MINAR1: variants seen among roughly 807,000 people sequenced by gnomAD.
MINAR1 encodes the protein major intrinsically disordered Notch2-binding receptor 1.
MINAR1 carries 40 observed loss-of-function variants against 65.1 expected under a neutral mutation model. The ratio of observed to expected loss-of-function variants is 0.61; its 90% CI spans 0.48 to 0.80. The LOEUF (loss-of-function observed/expected upper bound fraction) is 0.80. Among genes scored for constraint, MINAR1 ranks in the 30% least tolerant of loss-of-function variants. The pLI is 0.00. For synonymous variants in MINAR1, 482 were observed against 449.1 expected (o/e 1.07, Z -0.93); for missense variants, 1,128 against 1,148.0 (o/e 0.98, Z 0.25).
Position 79,458,126 on chromosome 15 carries a change from C to G in MINAR1, c.1979C>G (p.Ser660Cys). Residue 660 changes from serine to cysteine, a missense_variant, in exon 2 of 4, where the codon TCT becomes TGT. Transcript: ENST00000305428. Reference sequence around the variant, plus strand: ...GAGGGTCCGTCTGATGACAGTGCCTCTCCCCGGATGTTCCACGCACACAGT... The same window carrying G: ...GAGGGTCCGTCTGATGACAGTGCCTGTCCCCGGATGTTCCACGCACACAGT... The part of the protein sequence containing the change: ...TSEGPSDDSA[S>C]PRMFHAHSGS... The G allele has an allele frequency of 1.2e-6, 2 of 1,614,190 alleles. No individual in the cohort carries two copies. The highest frequency in any genetic ancestry group is 1.7e-6 in the Non-Finnish European group (2 of 1,180,030).
intron 1 of MINAR1, among the ~76,000 whole-genome samples, chr15:79,455,745 G>A (rs771621957): frequency 3.3e-5 from 5 of 152,106 alleles, no homozygotes; most frequent in African/African-American, 1.2e-4. Flanking sequence ...GTAGTCCATT[G>A]TAAGAATGTA....
chr15:79,442,812 A>C (rs781429716), intron 1 of MINAR1, among the ~76,000 whole-genome samples: 1 of 152,164 alleles, frequency 6.6e-6, no homozygotes, highest in African/African-American at 2.4e-5. Flanking sequence ...AAATTAAGAA[A>C]AGTACATAAA....
chr15:79,452,166 T>A (rs947636962), intron 1 of MINAR1, among the ~76,000 whole-genome samples: 5 of 151,416 alleles, frequency 3.3e-5, no homozygotes, highest in Middle Eastern at 6.8e-3. Context: ...TGTGCAGCTG[T>A]GTATGAGTGT....
At position 79,468,483 on chromosome 15, in the gene MINAR1, A is replaced by G; in HGVS notation, c.*99A>G. 1 of 1,075,738 alleles carries G rather than the reference A, an allele frequency of 9.3e-7. No individual in the cohort carries two copies. The highest frequency in any genetic ancestry group is 1.3e-6 in the Non-Finnish European group (1 of 747,028). The allele number at this position is 1,075,738 out of a possible 1,614,324, so 66.6% of individuals were successfully genotyped here. A position where few individuals can be genotyped will look rare whatever the true frequency, so the allele number is the denominator to read the frequency against. On this transcript the variant is annotated 3_prime_UTR_variant, in exon 4 of 4. Coordinates refer to ENST00000305428, the MANE Select transcript of MINAR1 (RefSeq NM_015206.3). ...GAGGCAACAATTTGTTGAAATGGAG[A>G]TGAAATCATGGAGGCATTTCTACAA... is the stretch of plus-strand genomic sequence containing the variant.
At chr15:79,437,778 G>T (rs1894663026) in intron 1 of MINAR1, among the ~76,000 whole-genome samples, 1 of 92,602 alleles carries the variant, frequency 1.1e-5, no homozygotes, top group African/African-American at 4.0e-5. Context: ...GAGTGGGGTG[G>T]GTAGTGTGTG....
At position 79,463,269 on chromosome 15, in the gene MINAR1, A is replaced by G; in HGVS notation, c.2501A>G (p.Glu834Gly). The change falls in exon 3 of 4, where the codon GAG becomes GGG. Residue 834 changes from glutamate (E) to glycine (G), a missense_variant. By Grantham distance (98) the Glu-to-Gly change is moderately conservative. Coordinates refer to ENST00000305428, the MANE Select transcript of MINAR1 (RefSeq NM_015206.3). Reference sequence around the variant, plus strand: ...GGCCAACCTTCTTGGACCATTGAGGAGTATGCACGGAATGCGGGCGACAAG... The same window carrying G: ...GGCCAACCTTCTTGGACCATTGAGGGGTATGCACGGAATGCGGGCGACAAG... ...KRGQPSWTIE[E>G]YARNAGDKGK... 1 of 1,614,148 alleles carries G rather than the reference A, an allele frequency of 6.2e-7. No homozygotes were observed. The highest frequency in any genetic ancestry group is 8.5e-7 in the Non-Finnish European group (1 of 1,180,030).
At chr15:79,415,995 A>G in the MINAR1 span, 1 of 152,224 alleles carries the variant, frequency 6.6e-6, no homozygotes, top group South Asian at 2.1e-4. Context: ...TCTTGTTCAT[A>G]TGCCAAGGTA....
chr15:79,449,663 C>G (rs969229859), intron 1 of MINAR1, among the ~76,000 whole-genome samples: 4 of 152,208 alleles, frequency 2.6e-5, no homozygotes, highest in African/African-American at 9.7e-5. Context: ...CTCCCCTACC[C>G]TAGACCAGTT....
At chr15:79,425,949 C>G in the MINAR1 span, 1 of 152,346 alleles carries the variant, frequency 6.6e-6, no homozygotes, top group Non-Finnish European at 1.5e-5. Flanking sequence ...AGCTGGATCT[C>G]AACGCAGCTG....
In MINAR1 at chr15:79,457,314, C is replaced by T. The variant is rs748590849; in HGVS notation, c.1167C>T (p.Ser389=). 1.9e-5 allele frequency: 31 copies of T among 1,614,032 alleles called. No individual in the cohort carries two copies. The highest frequency in any genetic ancestry group is 3.3e-5 in the South Asian group (3 of 91,088). The change falls in exon 2 of 4, where the codon TCC becomes TCT. Residue 389 remains serine, a synonymous_variant. Coordinates refer to ENST00000305428, the MANE Select transcript of MINAR1 (RefSeq NM_015206.3). ...GGTCCTTTTTCAATAGAAATCCCTCCGAGGAGAAGCTACACTATCCAAATG... is the reference window on the plus strand; with the variant it reads ...GGTCCTTTTTCAATAGAAATCCCTCTGAGGAGAAGCTACACTATCCAAATG... The part of the protein sequence containing the change: ...FERSFFNRNP[S]EEKLHYPNAS...
rs967866782 is a variant in MINAR1, at chr15:79,456,394, G to A, written c.247G>A (p.Val83Met). 1 of 1,614,098 alleles carries A rather than the reference G, an allele frequency of 6.2e-7. No individual in the cohort carries two copies. The highest frequency in any genetic ancestry group is 1.3e-5 in the African/African-American group (1 of 74,918). The part of the protein sequence containing the change: ...VNNQQSKKIM[V>M]AADIVTIFNL... Reference sequence around the variant, plus strand: ...TAACCAGCAATCAAAGAAAATCATGGTGGCAGCAGATATTGTGACGATATT... The same window carrying A: ...TAACCAGCAATCAAAGAAAATCATGATGGCAGCAGATATTGTGACGATATT... Residue 83 changes from valine to methionine, a missense_variant, in exon 2 of 4, where the codon GTG becomes ATG. Transcript: ENST00000305428.
chr15:79,457,497 A>C lies in MINAR1; in HGVS notation c.1350A>C (p.Glu450Asp). 6.2e-7 allele frequency: 1 copy of C among 1,614,178 alleles called. No individual in the cohort carries two copies. The highest frequency in any genetic ancestry group is 8.5e-7 in the Non-Finnish European group (1 of 1,180,022). ...CCCCTGTTGACCTGGAGAAGCATGA[A>C]CCAGTCAAAAAGTTTAAAGACAAGA... ...ISSPVDLEKH[E>D]PVKKFKDKSI... The change falls in exon 2 of 4, where the codon GAA becomes GAC. Residue 450 changes from glutamate (E) to aspartate (D), a missense_variant. Glu to Asp is a conservative substitution (Grantham distance 45). Transcript: ENST00000305428.
rs1236243624 is a variant in MINAR1 at position 79,457,074 on chromosome 15, C to T, written c.927C>T (p.Asn309=). The T allele has an allele frequency of 6.2e-7, 1 of 1,614,172 alleles. No individual in the cohort carries two copies. The highest frequency in any genetic ancestry group is 8.5e-7 in the Non-Finnish European group (1 of 1,180,026). The change falls in exon 2 of 4, where the codon AAC becomes AAT. Residue 309 remains asparagine (N), a synonymous_variant. Transcript: ENST00000305428. ...FFNHSFEMPY[N]SQYLNPVYSP... ...ACCACAGCTTTGAAATGCCCTATAA[C>T]AGCCAGTACCTGAATCCAGTGTATT...
At chr15:79,454,150 C>T (rs918672015) in intron 1 of MINAR1, among the ~76,000 whole-genome samples, 8 of 152,040 alleles carry the variant, frequency 5.3e-5, no homozygotes, top group Non-Finnish European at 8.8e-5. Context: ...AAGGCTGGGG[C>T]GGGGTGGGAA....
rs1895978792 is a variant in MINAR1, at chr15:79,469,052, G to A, written c.*668G>A. 1 of 154,518 alleles carries A rather than the reference G, an allele frequency of 6.5e-6. No individual in the cohort carries two copies. The highest frequency in any genetic ancestry group is 1.4e-5 in the Non-Finnish European group (1 of 69,338). 9.6% of individuals were successfully genotyped at this position (154,518 alleles called of 1,614,324 possible). A position where few individuals can be genotyped will look rare whatever the true frequency, so the allele number is the denominator to read the frequency against. ...ACTACCAAGTCAGGCGTGGAATGAA[G>A]TATGCTCAGACTGCATGATGGGCCA... On this transcript the variant is annotated 3_prime_UTR_variant, in exon 4 of 4. Coordinates refer to ENST00000305428, the MANE Select transcript of MINAR1 (RefSeq NM_015206.3).
In MINAR1 at chr15:79,463,320, A is replaced by G; in HGVS notation, c.2552A>G (p.Gln851Arg). 1 of 1,611,242 alleles carries G rather than the reference A, an allele frequency of 6.2e-7. No homozygotes were observed. Among genetic ancestry groups the G allele is most frequent in the Non-Finnish European group, 8.5e-7 (1 of 1,177,892 alleles). Reference protein sequence around the residue: ...DKGKLTALDLQTQESLNPNNL... With the variant: ...DKGKLTALDLRTQESLNPNNL... ...GGCAAGCTGACAGCCCTGGACCTGC[A>G]GGTGAGCCTCTCACTGTCCCTGGGT... Residue 851 changes from glutamine to arginine, a missense_variant and splice_region_variant, in exon 3 of 4, where the codon CAG becomes CGG. Gln to Arg is a conservative substitution (Grantham distance 43, BLOSUM62 1). Coordinates refer to ENST00000305428, the MANE Select transcript of MINAR1 (RefSeq NM_015206.3).
At chr15:79,464,938 C>A (rs941553960) in intron 3 of MINAR1, among the ~76,000 whole-genome samples, 6 of 152,244 alleles carry the variant, frequency 3.9e-5, no homozygotes, top group Middle Eastern at 6.8e-3. Flanking sequence ...CACTGGATGA[C>A]CTTGAAAGAG....
chr15:79,463,287 G>A lies in MINAR1; in HGVS notation c.2519G>A (p.Gly840Asp), dbSNP rs1895717286. ...WTIEEYARNA[G>D]DKGKLTALDL... ...ATTGAGGAGTATGCACGGAATGCGG[G>A]CGACAAGGGCAAGCTGACAGCCCTG... The change falls in exon 3 of 4, where the codon GGC becomes GAC. Residue 840 changes from glycine to aspartate, a missense_variant. Physicochemically the swap from Gly to Asp is moderately conservative, Grantham distance 94. Transcript: ENST00000305428. 6.2e-7 allele frequency: 1 copy of A among 1,614,006 alleles called. No individual in the cohort carries two copies. The highest frequency in any genetic ancestry group is 1.7e-5 in the Admixed American group (1 of 60,012).
chr15:79,452,889 G>T (rs544681601), intron 1 of MINAR1, among the ~76,000 whole-genome samples: 9 of 151,284 alleles, frequency 5.9e-5, no homozygotes, highest in Non-Finnish European at 8.9e-5. Flanking sequence ...GTGAGTGTGT[G>T]TAGGTGTGTC....
Sources: allele counts gnomAD v4.1 joint callset (sites outside exome capture counted in the v4.1 genomes callset), GRCh38; gene constraint gnomAD v4.1.1; transcripts MANE v1.5; gene names NCBI Gene and HGNC (gene_info 2026-07-23, HGNC 2026-07-21).